Variants in OR52N2 observed in about 807,000 individuals in gnomAD.
The protein encoded by OR52N2 is olfactory receptor 52N2.
For synonymous variants in OR52N2, 129 were observed against 72.0 expected, an observed-to-expected ratio of 1.79 and a Z score of -4.01; for missense variants, 326 against 196.6, an observed-to-expected ratio of 1.66 and a Z score of -3.94.
Position 5,821,014 on chromosome 11 carries a change from G to A in OR52N2, c.679G>A (p.Val227Ile), listed in dbSNP as rs1197028631. The change falls in exon 2 of 2, where the codon GTT becomes ATT. Residue 227 changes from valine (V) to isoleucine (I), a missense_variant. Physicochemically the swap from Val to Ile is conservative, Grantham distance 29. Coordinates refer to ENST00000317037, the MANE Select transcript of OR52N2 (RefSeq NM_001005174.3). ...ATCTTACACTATGATTTTGCAGGCT[G>A]TTATGAGCCTGTCATCAGCAGATGC... ...SVSYTMILQA[V>I]MSLSSADARH... is the part of the protein sequence containing the mutation. 1.0e-5 allele frequency: 8 copies of A among 781,024 alleles called. No homozygotes were observed. The highest frequency in any genetic ancestry group is 8.5e-5 in the Admixed American group (5 of 59,026). 48.4% of individuals were successfully genotyped at this position (781,024 alleles called of 1,614,324 possible).
intron 1 of OR52N2, among the ~76,000 whole-genome samples, chr11:5,814,842 C>G (rs1846389162): frequency 6.6e-6 from 1 of 152,114 alleles, no homozygotes; most frequent in Non-Finnish European, 1.5e-5. Flanking sequence ...GACAGTAAAC[C>G]AAAACAGTGT....
chr11:5,812,709 C>T (rs1369131398), intron 1 of OR52N2, among the ~76,000 whole-genome samples: 2 of 151,650 alleles, frequency 1.3e-5, no homozygotes, highest in Admixed American at 6.6e-5. Flanking sequence ...ATGTCAACAC[C>T]GCATTTTCAA....
intron 1 of OR52N2, among the ~76,000 whole-genome samples, chr11:5,818,642 G>A (rs1428418888): frequency 6.6e-6 from 1 of 152,030 alleles, no homozygotes; most frequent in African/African-American, 2.4e-5. Flanking sequence ...GTTTTAAAAA[G>A]TAATAGCAGT....
chr11:5,817,437 A>G (rs1846412936), intron 1 of OR52N2, among the ~76,000 whole-genome samples: 1 of 152,232 alleles, frequency 6.6e-6, no homozygotes, highest in Admixed American at 6.5e-5. Flanking sequence ...TTATCATGCA[A>G]TGAATAAACA....
chr11:5,817,556 A>C (rs889615832), intron 1 of OR52N2, among the ~76,000 whole-genome samples: 6 of 152,228 alleles, frequency 3.9e-5, no homozygotes, highest in Non-Finnish European at 7.3e-5. Flanking sequence ...TAGTGAAGTT[A>C]ATTTTAATTC....
At chr11:5,815,177 A>G (rs961812346) in intron 1 of OR52N2, among the ~76,000 whole-genome samples, 2 of 152,180 alleles carry the variant, frequency 1.3e-5, no homozygotes, top group African/African-American at 4.8e-5. Context: ...ATTTCTTGGA[A>G]ATGACACTAA....
chr11:5,810,764 T>C (rs1277460092), intron 1 of OR52N2, among the ~76,000 whole-genome samples: 2 of 151,044 alleles, frequency 1.3e-5, no homozygotes, highest in South Asian at 2.1e-4. Context: ...TCTGAGTTTA[T>C]AGTACACAAT....
rs1366364405 is a variant in OR52N2 at position 5,809,030 on chromosome 11, G to A, written c.-79G>A. Among the ~76,000 whole-genome samples the A allele has an allele frequency of 6.6e-6, 1 of 152,064 alleles. No individual in the cohort carries two copies. Among genetic ancestry groups the A allele is most frequent in the African/African-American group, 2.4e-5 (1 of 41,404 alleles). On this transcript the variant is annotated 5_prime_UTR_variant, in exon 1 of 2. Transcript: ENST00000317037. ...TCCCCTCCCTGAGACTACCGCAACG[G>A]GGCATTGGAATGCGTCTCCCCTGGG...
At chr11:5,809,235 A>G (rs751585513) in intron 1 of OR52N2, among the ~76,000 whole-genome samples, 181 bp downstream of exon 1, 8 of 152,194 alleles carry the variant, frequency 5.3e-5, no homozygotes, top group Non-Finnish European at 8.8e-5. Flanking sequence ...ACTCGCATCA[A>G]TCAAGATCAC....
At chr11:5,810,364 G>T (rs1285830875) in intron 1 of OR52N2, among the ~76,000 whole-genome samples, 1 of 152,148 alleles carries the variant, frequency 6.6e-6, no homozygotes, top group Non-Finnish European at 1.5e-5. Context: ...CTTGTCTCCT[G>T]TGTGTCTCAG....
intron 1 of OR52N2, among the ~76,000 whole-genome samples, chr11:5,819,172 G>T (rs1339512137): frequency 6.6e-6 from 1 of 151,994 alleles, no homozygotes; most frequent in East Asian, 1.9e-4. Context: ...GCTCCATGGG[G>T]TCTACTACAG....
In OR52N2 at chr11:5,813,198, T is replaced by C. The variant is rs561201215; in HGVS notation, c.-55+4144T>C. ...ACCCATGTAATTAGAAGGCAGGTAA[T>C]GATAAAGATCAGATCAGAAATAAAT... is the stretch of plus-strand genomic sequence containing the variant. On this transcript the variant is annotated intron_variant, in intron 1 of 1. Transcript: ENST00000317037. Among the ~76,000 whole-genome samples the C allele has an allele frequency of 2.8e-4, 42 of 151,360 alleles. No individual in the cohort carries two copies. The East Asian group carries it at 7.0e-3, about 25-fold the overall frequency.
At chr11:5,810,970 T>A (rs1223028304) in intron 1 of OR52N2, among the ~76,000 whole-genome samples, 2 of 151,830 alleles carry the variant, frequency 1.3e-5, no homozygotes, top group East Asian at 1.9e-4. Context: ...GAGATAAAAA[T>A]TTTTTTATTG....
intron 1 of OR52N2, among the ~76,000 whole-genome samples, chr11:5,810,157 G>A (rs1429901283): frequency 6.6e-6 from 1 of 152,198 alleles, no homozygotes; most frequent in Admixed American, 6.5e-5. Flanking sequence ...AATAGGCCAC[G>A]CATTCTGGTC....
chr11:5,814,470 A>T (rs1846386965), intron 1 of OR52N2, among the ~76,000 whole-genome samples: 1 of 152,082 alleles, frequency 6.6e-6, no homozygotes, highest in Admixed American at 6.5e-5. Flanking sequence ...ATTCCATTGT[A>T]AATTAAATTA....
chr11:5,812,039 T>C lies in OR52N2; in HGVS notation c.-55+2985T>C, dbSNP rs1366193997. Among the ~76,000 whole-genome samples, 4 of 151,728 alleles carry C rather than the reference T, an allele frequency of 2.6e-5. No individual in the cohort carries two copies. The East Asian group carries it at 7.7e-4, about 29-fold the overall frequency. ...ATTGAACAATGAGAACACATGGACA[T>C]AGAGAGGGAAACAACACACACCAAG... is the stretch of plus-strand genomic sequence containing the variant. On this transcript the variant is annotated intron_variant, in intron 1 of 1. Coordinates refer to ENST00000317037, the MANE Select transcript of OR52N2 (RefSeq NM_001005174.3).
At chr11:5,816,836 A>C (rs1305545276) in intron 1 of OR52N2, among the ~76,000 whole-genome samples, 2 of 152,122 alleles carry the variant, frequency 1.3e-5, no homozygotes, top group African/African-American at 4.8e-5. Context: ...AATCCAACCA[A>C]TGTTTCATAC....
In OR52N2 at chr11:5,821,242, C is replaced by G; in HGVS notation, c.907C>G (p.Gln303Glu). The G allele has an allele frequency of 1.3e-6, 1 of 780,876 alleles. No homozygotes were observed. Among genetic ancestry groups the G allele is most frequent in the Non-Finnish European group, 2.4e-6 (1 of 418,064 alleles). The allele number at this position is 780,876 out of a possible 1,614,324, so 48.4% of individuals were successfully genotyped here. The change falls in exon 2 of 2, where the codon CAG becomes GAG. Residue 303 changes from glutamine (Q) to glutamate (E), a missense_variant. By Grantham distance (29) the Gln-to-Glu change is conservative (BLOSUM62 2). Transcript: ENST00000317037. Reference sequence around the variant, plus strand: ...TTATGGAGTCAAGACCAAGCAGATTCAGGAAGGTGTAATTAAATTTTTACT... The same window carrying G: ...TTATGGAGTCAAGACCAAGCAGATTGAGGAAGGTGTAATTAAATTTTTACT... ...IVYGVKTKQI[Q>E]EGVIKFLLGD...
chr11:5,820,023 A>G (rs1044286287), intron 1 of OR52N2, among the ~76,000 whole-genome samples: 1 of 152,226 alleles, frequency 6.6e-6, no homozygotes, highest in Non-Finnish European at 1.5e-5. Flanking sequence ...ATCAGAATGT[A>G]GTACAGTATA....
Sources: allele counts gnomAD v4.1 joint callset (sites outside exome capture counted in the v4.1 genomes callset), GRCh38; gene constraint gnomAD v4.1.1; transcripts MANE v1.5; gene names NCBI Gene and HGNC (gene_info 2026-07-23, HGNC 2026-07-21).